The following CCDC14 variants were observed in gnomAD, a reference collection of about 807,000 sequenced individuals.
CCDC14 encodes coiled-coil domain-containing protein 14.
In CCDC14, 71 loss-of-function variants were observed where a neutral mutation model predicts 81.4. The ratio of observed to expected loss-of-function variants is 0.87; its 90% CI spans 0.72 to 1.06. The LOEUF (loss-of-function observed/expected upper bound fraction) is 1.06. Among genes scored for constraint, CCDC14 ranks in the 50% least tolerant of loss-of-function variants. CCDC14 has a pLI of 0.00. For synonymous variants in CCDC14, 332 were observed against 364.8 expected, an observed-to-expected ratio of 0.91 and a Z score of 1.03; for missense variants, 1,046 against 1,047.3, an observed-to-expected ratio of 1.00 and a Z score of 0.02.
chr3:123,948,999 G>A lies in CCDC14; in HGVS notation c.486C>T (p.Leu162=). ...RMYSPIIYQA[L]CEHVQTQMSL... ...ACATCTGAGTCTGCACGTGCTCACA[G>A]AGGGCTTGGTATATTATGGGTGAAT... The change falls in exon 6 of 13, where the codon CTC becomes CTT. Residue 162 remains leucine (L), a synonymous_variant. Transcript: ENST00000409697. 1 of 1,613,972 alleles carries A rather than the reference G, an allele frequency of 6.2e-7. No individual in the cohort carries two copies. The highest frequency in any genetic ancestry group is 8.5e-7 in the Non-Finnish European group (1 of 1,179,874).
Position 123,914,332 on chromosome 3 carries a change from A to T in CCDC14, c.*447T>A. The T allele has an allele frequency of 1.0e-6, 1 of 985,378 alleles. No individual in the cohort carries two copies. Among genetic ancestry groups the T allele is most frequent in the South Asian group, 4.7e-5 (1 of 21,286 alleles). 61.0% of individuals were successfully genotyped at this position (985,378 alleles called of 1,614,324 possible). On this transcript the variant is annotated 3_prime_UTR_variant, in exon 13 of 13. Transcript: ENST00000409697. Reference sequence around the variant, plus strand: ...ACAACACTGGCCTGTGGCACACAGCATGTTTAATAAAAACACATTGCTATT... The same window carrying T: ...ACAACACTGGCCTGTGGCACACAGCTTGTTTAATAAAAACACATTGCTATT...
chr3:123,916,616 T>C (rs545246729), intron 12 of CCDC14, among the ~76,000 whole-genome samples: 47 of 152,182 alleles, frequency 3.1e-4, no homozygotes, highest in African/African-American at 1.0e-3. Flanking sequence ...AAGTTAGAAA[T>C]GGAATTAAAT....
At chr3:123,888,349 T>A in the CCDC14 span, among the ~76,000 whole-genome samples, 1 of 152,210 alleles carries the variant, frequency 6.6e-6, no homozygotes, top group South Asian at 2.1e-4. Context: ...TAAAAGGAGA[T>A]TTGGTCCAGA....
At chr3:123,911,517 G>A (rs568600867), downstream of CCDC14, among the ~76,000 whole-genome samples, 20 of 152,198 alleles carry the variant, frequency 1.3e-4, no homozygotes, top group African/African-American at 4.8e-4. Context: ...TTGAGAAGGG[G>A]CCTGTTATCC....
At chr3:123,954,713 T>C (rs2037224420) in intron 5 of CCDC14, 1 of 152,158 alleles carries the variant, frequency 6.6e-6, no homozygotes, top group Non-Finnish European at 1.5e-5. Flanking sequence ...TTTAATAAAA[T>C]TTACACTTGA....
At chr3:123,958,505 GCC>G (rs774936199) in intron 1 of CCDC14, 7 of 151,854 alleles carry the variant, frequency 4.6e-5, no homozygotes, top group Non-Finnish European at 8.8e-5. Context: ...GTACAAAGAT[GCC>G]CTATATATGC....
chr3:123,926,514 TTAAA>T (rs1157729829), intron 12 of CCDC14, among the ~76,000 whole-genome samples: 4 of 148,516 alleles, frequency 2.7e-5, no homozygotes, highest in African/African-American at 4.9e-5. Flanking sequence ...CACTATTTAC[TTAAA>T]TAATGTTATA....
In CCDC14 at chr3:123,914,998, A is replaced by G. The variant is rs2034573035; in HGVS notation, c.2499T>C (p.His833=). ...TKEPEEQTAC[H]GPSGCLSNSL... is the part of the protein sequence containing the mutation. ...TGTTGCTAAGACAACCTGATGGGCCATGACATGCAGTTTGTTCCTCTGGCT... is the reference window on the plus strand; with the variant it reads ...TGTTGCTAAGACAACCTGATGGGCCGTGACATGCAGTTTGTTCCTCTGGCT... The change falls in exon 13 of 13, where the codon CAT becomes CAC. Residue 833 remains histidine, a synonymous_variant. Transcript: ENST00000409697. 3 of 1,613,926 alleles carry G rather than the reference A, an allele frequency of 1.9e-6. No homozygotes were observed. Among genetic ancestry groups the G allele is most frequent in the Non-Finnish European group, 2.5e-6 (3 of 1,179,904 alleles).
At chr3:123,912,975 G>A (rs1023402319), downstream of CCDC14, among the ~76,000 whole-genome samples, 1 of 152,054 alleles carries the variant, frequency 6.6e-6, no homozygotes, top group African/African-American at 2.4e-5. Context: ...TTTCTAAGGG[G>A]GAAACATTTA....
Position 123,948,746 on chromosome 3 carries a change from G to T in CCDC14, c.629C>A (p.Thr210Asn). The T allele has an allele frequency of 6.2e-7, 1 of 1,601,062 alleles. No individual in the cohort carries two copies. The highest frequency in any genetic ancestry group is 8.5e-7 in the Non-Finnish European group (1 of 1,176,826). ...CTGAAGTGACCAGACTGGGGTGGAG[G>T]TACATAAGCCATAACTAGAATGAGG... ...ATPHSSYGLCTSTPVWSLQRP... is the reference protein window; with the variant it reads ...ATPHSSYGLCNSTPVWSLQRP... The change falls in exon 7 of 13, where the codon ACC becomes AAC. Residue 210 changes from threonine to asparagine, a missense_variant. Thr to Asn is a moderately conservative substitution (Grantham distance 65). Transcript: ENST00000409697.
At chr3:123,954,017 G>A (rs2037190137) in intron 5 of CCDC14, 1 of 152,086 alleles carries the variant, frequency 6.6e-6, no homozygotes, top group African/African-American at 2.4e-5. Flanking sequence ...TTGGAACTCT[G>A]ACCGACAGAG....
chr3:123,946,976 GCA>G lies in CCDC14; in HGVS notation c.1026_1027del (p.Ala343GlnfsTer5). On this transcript the variant is annotated frameshift_variant, in exon 8 of 13. Transcript: ENST00000409697. LOFTEE classifies it high-confidence loss of function. ...TGTGGCCTCTCTAATTTGCTCTCTGGCACATTTTTCTTCATTAGTGGCCAAGA... is the reference window on the plus strand; with the variant it reads ...TGTGGCCTCTCTAATTTGCTCTCTGGCATTTTTCTTCATTAGTGGCCAAGA... The G allele has an allele frequency of 6.2e-7, 1 of 1,613,778 alleles. No homozygotes were observed. The highest frequency in any genetic ancestry group is 8.5e-7 in the Non-Finnish European group (1 of 1,179,828).
chr3:123,903,426 T>A (rs1055385381), intron 5 of CCDC14, among the ~76,000 whole-genome samples: 6 of 151,904 alleles, frequency 3.9e-5, no homozygotes, highest in African/African-American at 1.5e-4. Flanking sequence ...GTGTAAAGTG[T>A]TACAACCTCT....
At chr3:123,938,619 C>T (rs573417017) in intron 9 of CCDC14, among the ~76,000 whole-genome samples, 72 of 151,912 alleles carry the variant, frequency 4.7e-4, no homozygotes, top group African/African-American at 1.6e-3. Flanking sequence ...CTTGTTAGAA[C>T]GTCTAGCACA....
intron 1 of CCDC14, chr3:123,957,697 T>G (rs144192665): frequency 4.6e-4 from 70 of 152,168 alleles, no homozygotes; most frequent in African/African-American, 1.4e-3. Context: ...CATGGTTGCC[T>G]CTGGGGAGGG....
At chr3:123,944,221 T>C (rs575864303) in intron 9 of CCDC14, among the ~76,000 whole-genome samples, 4 of 152,126 alleles carry the variant, frequency 2.6e-5, no homozygotes, top group South Asian at 4.1e-4. Context: ...TCTGTGTCGA[T>C]TGCTGTGGTG....
At chr3:123,899,522 C>T (rs1253197187) in intron 5 of CCDC14, among the ~76,000 whole-genome samples, 2 of 152,234 alleles carry the variant, frequency 1.3e-5, no homozygotes, top group Non-Finnish European at 2.9e-5. Context: ...GACACCCATC[C>T]AGCAGTCCTG....
the CCDC14 span, among the ~76,000 whole-genome samples, chr3:123,890,811 T>C: frequency 1.3e-5 from 2 of 152,126 alleles, no homozygotes; most frequent in Non-Finnish European, 2.9e-5. Context: ...TTCTCACAGC[T>C]CCACTAGGCA....
At position 123,915,548 on chromosome 3, in the gene CCDC14, T is replaced by C; in HGVS notation, c.1949A>G (p.Glu650Gly). ...TSIMSYLNKL[E>G]TNYSFTHSEP... ...TGAATGTGTAAAACTGTAATTTGTT[T>C]CTAACTTATTTAGATAGCTCATTAT... is the stretch of plus-strand genomic sequence containing the variant. The change falls in exon 13 of 13, where the codon GAA (glutamate) becomes GGA (glycine). Residue 650 changes from glutamate to glycine, a missense_variant. Physicochemically the swap from Glu to Gly is moderately conservative, Grantham distance 98. Transcript: ENST00000409697. The C allele has an allele frequency of 6.2e-7, 1 of 1,614,046 alleles. No individual in the cohort carries two copies. Among genetic ancestry groups the C allele is most frequent in the Non-Finnish European group, 8.5e-7 (1 of 1,179,900 alleles).
Sources: gnomAD v4.1 joint callset for allele counts (sites outside exome capture counted in the v4.1 genomes callset) on GRCh38, gnomAD v4.1.1 for gene constraint, MANE v1.5 for transcripts, NCBI Gene and HGNC (gene_info 2026-07-23, HGNC 2026-07-21) for gene names.